PI4K2A: variants seen among roughly 807,000 people sequenced by gnomAD.
The protein encoded by PI4K2A is phosphatidylinositol 4-kinase type 2-alpha.
PI4K2A carries 20 observed loss-of-function variants against 55.0 expected under a neutral mutation model. The observed-to-expected ratio is 0.36, with a 90% CI of 0.26 to 0.53. The LOEUF is 0.53. Ranked by LOEUF, PI4K2A falls within the 20% of genes least tolerant of loss-of-function variation. PI4K2A has a pLI of 0.91. For missense variants in PI4K2A, 463 were observed against 637.1 expected (o/e 0.73, Z 2.94); for synonymous variants, 235 against 258.5 (o/e 0.91, Z 0.87).
chr10:97,673,819 G>C, exon 9 of PI4K2A: 2 of 1,409,334 alleles, frequency 1.4e-6, no homozygotes, highest in Non-Finnish European at 2.0e-6. Context: ...GGAAAAGCCA[G>C]AGAAGCCGGT....
intron 1 of PI4K2A, among the ~76,000 whole-genome samples, chr10:97,642,715 A>G (rs1253863716): frequency 6.6e-6 from 1 of 152,008 alleles, no homozygotes; most frequent in Non-Finnish European, 1.5e-5. Context: ...AAGAGCTTGC[A>G]AGCTCAAGTG....
At chr10:97,659,064 A>G (rs2041568516) in intron 4 of PI4K2A, among the ~76,000 whole-genome samples, 1 of 152,206 alleles carries the variant, frequency 6.6e-6, no homozygotes, top group Admixed American at 6.5e-5. Context: ...AGACAGAGTT[A>G]TGCTCTATTG....
chr10:97,667,217 C>G (rs570613288), intron 8 of PI4K2A, 97 bp downstream of exon 8: 5 of 815,728 alleles, frequency 6.1e-6, no homozygotes, highest in South Asian at 1.7e-5. Context: ...TATACCCCCC[C>G]CTTTTTTTTT....
intron 2 of PI4K2A, among the ~76,000 whole-genome samples, chr10:97,651,680 GGGGT>G (rs1362744053): frequency 6.6e-6 from 1 of 152,150 alleles, no homozygotes; most frequent in Non-Finnish European, 1.5e-5. Flanking sequence ...CATCAAAATA[GGGGT>G]GCCAGATCTA....
chr10:97,646,429 G>A (rs2041505210), intron 1 of PI4K2A, among the ~76,000 whole-genome samples: 1 of 151,890 alleles, frequency 6.6e-6, no homozygotes, highest in Non-Finnish European at 1.5e-5. Context: ...GTTGGCCAGG[G>A]TGGTCTCAAA....
intron 8 of PI4K2A, 98 bp downstream of exon 8, chr10:97,667,218 C>CTTTTT: frequency 1.8e-5 from 13 of 729,962 alleles, no homozygotes; most frequent in Admixed American, 1.2e-4. Context: ...ATACCCCCCC[C>CTTTTT]TTTTTTTTTG....
At chr10:97,647,908 C>G (rs11818469) in intron 1 of PI4K2A, among the ~76,000 whole-genome samples, 2 of 132,108 alleles carry the variant, frequency 1.5e-5, no homozygotes, top group South Asian at 4.6e-4. Context: ...CCTTCAAGTT[C>G]TGCTTGCTTT....
intron 1 of PI4K2A, among the ~76,000 whole-genome samples, chr10:97,641,687 T>TTAA (rs1260768486): frequency 6.6e-6 from 1 of 152,224 alleles, no homozygotes; most frequent in Non-Finnish European, 1.5e-5. Context: ...CCAGCTCTTA[T>TTAA]TAACAGACGT....
At chr10:97,640,873 C>G (rs2041463581) in exon 1 of PI4K2A, 4 of 1,312,792 alleles carry the variant, frequency 3.0e-6, no homozygotes, top group Non-Finnish European at 3.9e-6. Context: ...GCGGCCGGCT[C>G]GGGCCCCTCT....
intron 1 of PI4K2A, among the ~76,000 whole-genome samples, chr10:97,648,784 G>A (rs147119470): frequency 1.5e-3 from 223 of 152,330 alleles, no homozygotes; most frequent in Admixed American, 3.5e-3. Context: ...GTTATTCAGA[G>A]GCTGGGGTTC....
chr10:97,662,075 G>A (rs574317672), intron 4 of PI4K2A, among the ~76,000 whole-genome samples: 3 of 151,864 alleles, frequency 2.0e-5, no homozygotes, highest in South Asian at 4.2e-4. Context: ...GGCTGGTCTT[G>A]AACTCCTGGC....
At chr10:97,660,234 C>T (rs574525619) in intron 4 of PI4K2A, among the ~76,000 whole-genome samples, 1 of 149,824 alleles carries the variant, frequency 6.7e-6, no homozygotes, top group Non-Finnish European at 1.5e-5. Flanking sequence ...ATCTCCTGAC[C>T]TCGTGATCTG....
At chr10:97,668,590 A>G (rs2041620837) in intron 8 of PI4K2A, among the ~76,000 whole-genome samples, 1 of 152,044 alleles carries the variant, frequency 6.6e-6, no homozygotes, top group Non-Finnish European at 1.5e-5. Context: ...GATAATAATA[A>G]TGGTACCCAC....
Position 97,659,534 on chromosome 10 carries a change from C to T in PI4K2A, c.922+2560C>T, listed in dbSNP as rs569141642. ...TTTTTCTTGCTTCAGTGCTCTAAGA[C>T]TTCCAGTACTATGTTGAATAGAAGT... On this transcript the variant is annotated intron_variant, in intron 4 of 8. Coordinates refer to ENST00000370631, the Ensembl canonical transcript of PI4K2A. 4.0e-5 allele frequency among the ~76,000 whole-genome samples: 6 copies of T among 151,644 alleles called. No individual in the cohort carries two copies. The South Asian group carries it at 1.2e-3, about 32-fold the overall frequency.
chr10:97,663,354 A>G (rs879596984), intron 5 of PI4K2A, among the ~76,000 whole-genome samples: 10 of 152,216 alleles, frequency 6.6e-5, no homozygotes, highest in Non-Finnish European at 1.5e-5. Flanking sequence ...TCCACAGAAC[A>G]TAAGTTTAGA....
At chr10:97,643,212 C>G (rs757841518) in intron 1 of PI4K2A, among the ~76,000 whole-genome samples, 2 of 151,858 alleles carry the variant, frequency 1.3e-5, no homozygotes, top group Admixed American at 6.6e-5. Context: ...TCTCAGACTC[C>G]TGGCTTCAAG....
chr10:97,670,687 C>T (rs755978218), intron 8 of PI4K2A, among the ~76,000 whole-genome samples: 1 of 152,020 alleles, frequency 6.6e-6, no homozygotes, highest in African/African-American at 2.4e-5. Flanking sequence ...ACAAATGACC[C>T]CTGTTGCAGT....
chr10:97,672,119 T>G (rs2041638206), intron 8 of PI4K2A, among the ~76,000 whole-genome samples: 1 of 151,804 alleles, frequency 6.6e-6, no homozygotes, highest in South Asian at 2.1e-4. Context: ...CTTGGCTCAC[T>G]GCAACCTCCA....
chr10:97,663,845 A>G (rs552874385), intron 5 of PI4K2A, among the ~76,000 whole-genome samples: 75 of 150,556 alleles, frequency 5.0e-4, no homozygotes, highest in East Asian at 3.7e-3. Flanking sequence ...AAAAAAAAAA[A>G]AGAGACAGGG....
Sources: gnomAD v4.1 joint callset for allele counts (sites outside exome capture counted in the v4.1 genomes callset) on GRCh38, gnomAD v4.1.1 for gene constraint, MANE v1.5 for transcripts, NCBI Gene and HGNC (gene_info 2026-07-23, HGNC 2026-07-21) for gene names.